RHOU: variants seen among roughly 807,000 people sequenced by gnomAD.
RHOU encodes the protein ras homolog family member U, also known as rho-related GTP-binding protein RhoU.
Under a neutral mutation model 12.6 loss-of-function variants are expected in RHOU, and 8 were observed. The observed-to-expected ratio is 0.64, with a 90% confidence interval of 0.37 to 1.15. The LOEUF is 1.15. RHOU is among the 50% of genes most tolerant of loss of function. RHOU has a pLI of 0.01. For missense variants in RHOU, 258 were observed against 347.0 expected, an observed-to-expected ratio of 0.74 and a Z score of 2.04; for synonymous variants, 161 against 147.4, an observed-to-expected ratio of 1.09 and a Z score of -0.67.
chr1:228,681,424 C>G, the RHOU span, among the ~76,000 whole-genome samples: 5 of 151,864 alleles, frequency 3.3e-5, no homozygotes, highest in Non-Finnish European at 7.4e-5. Flanking sequence ...GATGGGTCAG[C>G]AGAAAAGGAA....
the RHOU span, among the ~76,000 whole-genome samples, chr1:228,656,286 C>T: frequency 2.0e-5 from 3 of 152,018 alleles, no homozygotes; most frequent in Non-Finnish European, 4.4e-5. Context: ...CCTGAGTAGC[C>T]GGGACTACAG....
chr1:228,683,860 C>T, the RHOU span, among the ~76,000 whole-genome samples: 1 of 152,216 alleles, frequency 6.6e-6, no homozygotes, highest in Non-Finnish European at 1.5e-5. Context: ...GTCTGGCTGC[C>T]TGTGCAGCAT....
At chr1:228,670,576 G>T in the RHOU span, among the ~76,000 whole-genome samples, 1 of 152,182 alleles carries the variant, frequency 6.6e-6, no homozygotes, top group Non-Finnish European at 1.5e-5. Flanking sequence ...TAACAGACCA[G>T]TTCTACATTC....
chr1:228,742,480 A>G (rs1188235826), intron 2 of RHOU, among the ~76,000 whole-genome samples: 1 of 152,218 alleles, frequency 6.6e-6, no homozygotes, highest in Non-Finnish European at 1.5e-5. Flanking sequence ...CCTATTCTCC[A>G]GTTCTTATCT....
the RHOU span, among the ~76,000 whole-genome samples, chr1:228,685,618 A>G: frequency 6.6e-6 from 1 of 152,198 alleles, no homozygotes; most frequent in Non-Finnish European, 1.5e-5. Context: ...TTTACTGGGG[A>G]ATTTGAGAGT....
At chr1:228,692,057 T>C in the RHOU span, among the ~76,000 whole-genome samples, 1 of 152,250 alleles carries the variant, frequency 6.6e-6, no homozygotes, top group Admixed American at 6.5e-5. Flanking sequence ...ATAAATACTT[T>C]AGGCTGTAAT....
chr1:228,702,660 T>A, the RHOU span, among the ~76,000 whole-genome samples: 1 of 152,194 alleles, frequency 6.6e-6, no homozygotes, highest in African/African-American at 2.4e-5. Flanking sequence ...AGAGATAGCA[T>A]AAACCTGTCT....
chr1:228,705,617 T>G, the RHOU span, among the ~76,000 whole-genome samples: 1 of 152,222 alleles, frequency 6.6e-6, no homozygotes, highest in Non-Finnish European at 1.5e-5. Context: ...TGCCATTTAC[T>G]GCCAGTTTCT....
chr1:228,731,394 A>C (rs1188749397), upstream of RHOU, among the ~76,000 whole-genome samples: 1 of 152,124 alleles, frequency 6.6e-6, no homozygotes, highest in Non-Finnish European at 1.5e-5. Flanking sequence ...GCTGTAGGGG[A>C]CTGATTCAGT....
chr1:228,710,405 T>C, the RHOU span, among the ~76,000 whole-genome samples: 1,041 of 151,912 alleles, frequency 6.9e-3, 7 homozygotes, highest in Non-Finnish European at 1.0e-2. Flanking sequence ...GATGCAAAAA[T>C]CCTCAATAAA....
At chr1:228,664,412 A>G in the RHOU span, among the ~76,000 whole-genome samples, 1 of 152,158 alleles carries the variant, frequency 6.6e-6, no homozygotes, top group Non-Finnish European at 1.5e-5. Flanking sequence ...ATTTGCGGAT[A>G]GCGAATCAAC....
chr1:228,704,922 T>A, the RHOU span, among the ~76,000 whole-genome samples: 1 of 152,112 alleles, frequency 6.6e-6, no homozygotes, highest in Non-Finnish European at 1.5e-5. Context: ...TGCCTCAGCC[T>A]CCCAAGTAGC....
the RHOU span, among the ~76,000 whole-genome samples, chr1:228,655,840 C>A: frequency 6.6e-6 from 1 of 152,182 alleles, no homozygotes; most frequent in Non-Finnish European, 1.5e-5. Context: ...ACAAATGGAG[C>A]TGGGGAAGGC....
the RHOU span, among the ~76,000 whole-genome samples, chr1:228,722,621 T>C: frequency 2.0e-5 from 3 of 148,380 alleles, no homozygotes; most frequent in African/African-American, 7.7e-5. Flanking sequence ...GGAGTTATCC[T>C]GACCTCCTTT....
the RHOU span, among the ~76,000 whole-genome samples, chr1:228,712,661 A>G: frequency 5.3e-5 from 5 of 94,802 alleles, no homozygotes; most frequent in African/African-American, 2.1e-4. Flanking sequence ...GGACTGTTGT[A>G]GGGTGGGGGG....
chr1:228,677,977 C>T, the RHOU span, among the ~76,000 whole-genome samples: 1 of 152,134 alleles, frequency 6.6e-6, no homozygotes, highest in Non-Finnish European at 1.5e-5. Context: ...AGGCCTCTAC[C>T]CATCTAGTGA....
At chr1:228,675,366 G>A in the RHOU span, among the ~76,000 whole-genome samples, 618 of 150,962 alleles carry the variant, frequency 4.1e-3, 4 homozygotes, top group South Asian at 0.021. Flanking sequence ...CTACATTTTT[G>A]TAGCTACTTT....
rs1401505463 is a variant in RHOU at position 228,746,501 on chromosome 1, T to G, written c.*2761T>G. The G allele has an allele frequency of 1.3e-5, 2 of 152,210 alleles. No individual in the cohort carries two copies. The highest frequency in any genetic ancestry group is 2.9e-5 in the Non-Finnish European group (2 of 68,042). The allele number at this position is 152,210 out of a possible 1,614,324, so 9.4% of individuals were successfully genotyped here. On this transcript the variant is annotated 3_prime_UTR_variant, in exon 3 of 3. Transcript: ENST00000366691. ...AGACTCAAGAGAAACTACCCAGGTA[T>G]TACACAAGCCAAAATGGGAGCAAGG...
the RHOU span, among the ~76,000 whole-genome samples, chr1:228,700,164 T>C: frequency 6.6e-6 from 1 of 152,238 alleles, no homozygotes; most frequent in Non-Finnish European, 1.5e-5. Flanking sequence ...ATTTATATCC[T>C]CTTAACTACG....
Sources: allele counts gnomAD v4.1 joint callset (sites outside exome capture counted in the v4.1 genomes callset), GRCh38; gene constraint gnomAD v4.1.1; transcripts MANE v1.5; gene names NCBI Gene and HGNC (gene_info 2026-07-23, HGNC 2026-07-21).